Variants in TNKS observed in about 807,000 individuals in gnomAD.
The protein encoded by TNKS is tankyrase.
A neutral mutation model predicts 135.8 loss-of-function variants in TNKS; 72 were observed. The ratio of observed to expected loss-of-function variants is 0.53; its 90% CI spans 0.44 to 0.64. The LOEUF is 0.64. Among genes scored for constraint, TNKS ranks in the 30% least tolerant of loss-of-function variants. The pLI is 0.00. For missense variants in TNKS, 1,769 were observed against 1,674.0 expected (o/e 1.06, Z -0.99); for synonymous variants, 849 against 649.3 (o/e 1.31, Z -4.68).
chr8:9,562,234 A>G (rs1310252470), intron 1 of TNKS, among the ~76,000 whole-genome samples: 1 of 152,058 alleles, frequency 6.6e-6, no homozygotes, highest in Non-Finnish European at 1.5e-5. Flanking sequence ...TATATTCTGC[A>G]TACTAGTGCT....
Position 9,585,409 on chromosome 8 carries a change from AAAGAG to A in TNKS, c.898+5029_898+5033del, listed in dbSNP as rs534335227. Among the ~76,000 whole-genome samples, 35 of 152,314 alleles carry A rather than the reference AAAGAG, an allele frequency of 2.3e-4. No homozygotes were observed. In the South Asian group the frequency reaches 6.6e-3, roughly 29 times the overall value. ...CAGTAATAATTAAACAAATGATAAG[AAAGAG>A]AAACCTATCTTGAGATTGAAAAGGC... On this transcript the variant is annotated intron_variant, in intron 2 of 26. Coordinates refer to ENST00000310430, the MANE Select transcript of TNKS (RefSeq NM_003747.3).
chr8:9,713,383 A>G (rs1411189979), intron 11 of TNKS, among the ~76,000 whole-genome samples: 1 of 152,200 alleles, frequency 6.6e-6, no homozygotes, highest in Non-Finnish European at 1.5e-5. Flanking sequence ...AATAGTATCT[A>G]TTTATTGTCT....
chr8:9,559,264 T>C (rs1206238479), intron 1 of TNKS, among the ~76,000 whole-genome samples: 1 of 152,168 alleles, frequency 6.6e-6, no homozygotes, highest in Non-Finnish European at 1.5e-5. Flanking sequence ...TAATAGGAGC[T>C]CTTATCCTTG....
chr8:9,618,434 A>G (rs754767197), intron 3 of TNKS, among the ~76,000 whole-genome samples: 1 of 152,198 alleles, frequency 6.6e-6, no homozygotes, highest in Non-Finnish European at 1.5e-5. Context: ...AGAGAGACTC[A>G]TCATCCTCTT....
chr8:9,735,262 A>G (rs1158840970), intron 16 of TNKS, 115 bp from the exon 17 acceptor site: 1 of 1,119,866 alleles, frequency 8.9e-7, no homozygotes, highest in East Asian at 2.5e-5. Flanking sequence ...TAACAGTATT[A>G]GCTTTTGAAG....
chr8:9,656,447 C>T (rs1301637462), intron 3 of TNKS, among the ~76,000 whole-genome samples: 1 of 152,032 alleles, frequency 6.6e-6, no homozygotes, highest in Non-Finnish European at 1.5e-5. Flanking sequence ...GTCAAATTCA[C>T]CGAAGTTGAA....
At chr8:9,662,788 G>T (rs984864310) in intron 3 of TNKS, among the ~76,000 whole-genome samples, 1 of 152,162 alleles carries the variant, frequency 6.6e-6, no homozygotes, top group Admixed American at 6.5e-5. Context: ...TTCATTCAAT[G>T]AAAGAGCAGT....
chr8:9,606,672 C>T (rs1466372239), intron 2 of TNKS, among the ~76,000 whole-genome samples: 1 of 152,056 alleles, frequency 6.6e-6, no homozygotes, highest in Non-Finnish European at 1.5e-5. Context: ...CCTAACACAT[C>T]TGGGATATGC....
At chr8:9,745,646 C>G (rs1158665710) in intron 17 of TNKS, among the ~76,000 whole-genome samples, 1 of 152,122 alleles carries the variant, frequency 6.6e-6, no homozygotes, top group African/African-American at 2.4e-5. Context: ...CTCAAATGAT[C>G]TGCTGGCCTC....
intron 5 of TNKS, among the ~76,000 whole-genome samples, chr8:9,697,370 C>A (rs988696310): frequency 6.6e-6 from 1 of 152,050 alleles, no homozygotes; most frequent in Non-Finnish European, 1.5e-5. Flanking sequence ...CTAGGAAATA[C>A]CATCCTCAGC....
chr8:9,701,703 A>G (rs1803812592), intron 5 of TNKS, among the ~76,000 whole-genome samples: 1 of 152,236 alleles, frequency 6.6e-6, no homozygotes, highest in South Asian at 2.1e-4. Context: ...TACCGCCTCC[A>G]AAGAATTTCC....
intron 1 of TNKS, among the ~76,000 whole-genome samples, chr8:9,563,480 G>A (rs1235346311): frequency 6.6e-5 from 10 of 152,114 alleles, no homozygotes; most frequent in Admixed American, 6.5e-4. Flanking sequence ...ATGAATGAGT[G>A]TGATTGTGTT....
At chr8:9,569,367 T>A (rs1238974559) in intron 1 of TNKS, among the ~76,000 whole-genome samples, 1 of 152,172 alleles carries the variant, frequency 6.6e-6, no homozygotes, top group African/African-American at 2.4e-5. Context: ...ATCAGAACAT[T>A]ATCTGCAATC....
At chr8:9,671,922 A>T (rs1409965582) in intron 3 of TNKS, among the ~76,000 whole-genome samples, 2 of 152,206 alleles carry the variant, frequency 1.3e-5, no homozygotes. Context: ...TGCTCTGAGT[A>T]TGGTGATGAA....
chr8:9,574,996 A>T, intron 1 of TNKS: 5 of 971,826 alleles, frequency 5.1e-6, no homozygotes, highest in Non-Finnish European at 6.1e-6. Flanking sequence ...GAAAGATTCT[A>T]AGGAGCTCCT....
chr8:9,603,318 G>C (rs1799091750), intron 2 of TNKS, among the ~76,000 whole-genome samples: 1 of 149,614 alleles, frequency 6.7e-6, no homozygotes, highest in African/African-American at 2.5e-5. Context: ...GCCTCCCAAA[G>C]TGCTGGGATT....
intron 1 of TNKS, among the ~76,000 whole-genome samples, chr8:9,577,294 A>G (rs1164169614): frequency 6.6e-6 from 1 of 152,244 alleles, no homozygotes; most frequent in African/African-American, 2.4e-5. Flanking sequence ...ACAAATGTAC[A>G]AGGAAATTTA....
At chr8:9,673,267 T>C (rs1216852523) in intron 3 of TNKS, among the ~76,000 whole-genome samples, 1 of 152,126 alleles carries the variant, frequency 6.6e-6, no homozygotes, top group Non-Finnish European at 1.5e-5. Context: ...TATATGAGTG[T>C]TATATTGTGT....
chr8:9,589,350 C>G (rs766126964), intron 2 of TNKS, among the ~76,000 whole-genome samples: 1 of 152,130 alleles, frequency 6.6e-6, no homozygotes, highest in Non-Finnish European at 1.5e-5. Flanking sequence ...TGTAAAGCAT[C>G]AGATAAATAT....
Sources: allele counts gnomAD v4.1 joint callset (sites outside exome capture counted in the v4.1 genomes callset), GRCh38; gene constraint gnomAD v4.1.1; transcripts MANE v1.5; gene names NCBI Gene and HGNC (gene_info 2026-07-23, HGNC 2026-07-21).